The following KCNIP4 variants were observed in gnomAD, a reference collection of about 807,000 sequenced individuals.
KCNIP4 encodes the protein potassium voltage-gated channel interacting protein 4.
A neutral mutation model predicts 34.0 loss-of-function variants in KCNIP4; 12 were observed. The observed-to-expected ratio is 0.35, with a 90% CI of 0.23 to 0.57. KCNIP4 has a LOEUF of 0.57. Ranked by LOEUF, KCNIP4 falls within the 20% of genes least tolerant of loss-of-function variation. The pLI is 0.83. For missense variants in KCNIP4, 238 were observed against 311.7 expected, an observed-to-expected ratio of 0.76 and a Z score of 1.78; for synonymous variants, 124 against 102.2, an observed-to-expected ratio of 1.21 and a Z score of -1.29.
intron 1 of KCNIP4, among the ~76,000 whole-genome samples, chr4:20,900,017 A>G (rs1460434844): frequency 2.0e-5 from 3 of 152,166 alleles, no homozygotes; most frequent in African/African-American, 7.2e-5. Context: ...ACTTTCCCCA[A>G]GGATCTCAGG....
chr4:21,333,366 T>C (rs1427892603), intron 1 of KCNIP4, among the ~76,000 whole-genome samples: 1 of 151,624 alleles, frequency 6.6e-6, no homozygotes, highest in Non-Finnish European at 1.5e-5. Context: ...TGTGATAAAA[T>C]AAAATAACCT....
intron 1 of KCNIP4, among the ~76,000 whole-genome samples, chr4:21,136,881 G>A (rs1301071099): frequency 6.6e-6 from 1 of 151,966 alleles, no homozygotes; most frequent in Non-Finnish European, 1.5e-5. Context: ...TCATTTATTT[G>A]TGACTTCCTC....
intron 1 of KCNIP4, among the ~76,000 whole-genome samples, chr4:21,584,059 G>A (rs1741432879): frequency 6.6e-6 from 1 of 151,926 alleles, no homozygotes; most frequent in African/African-American, 2.4e-5. Context: ...AAGTAAACAA[G>A]GATTTACTGC....
chr4:21,478,803 C>T (rs901785923), intron 1 of KCNIP4, among the ~76,000 whole-genome samples: 4 of 152,152 alleles, frequency 2.6e-5, no homozygotes, highest in Non-Finnish European at 5.9e-5. Flanking sequence ...ATCCCTTATA[C>T]AGTTCTGATG....
chr4:20,891,808 T>C (rs944092254), intron 1 of KCNIP4, among the ~76,000 whole-genome samples: 1 of 152,104 alleles, frequency 6.6e-6, no homozygotes, highest in African/African-American at 2.4e-5. Context: ...CCATTGAAAG[T>C]AATGGCAAAA....
intron 3 of KCNIP4, among the ~76,000 whole-genome samples, chr4:20,771,224 T>C (rs1282603778): frequency 6.6e-6 from 1 of 152,146 alleles, no homozygotes; most frequent in African/African-American, 2.4e-5. Flanking sequence ...TACATGGTTG[T>C]ATAAAGCCTT....
At chr4:21,000,130 G>A (rs923913483) in intron 1 of KCNIP4, among the ~76,000 whole-genome samples, 3 of 152,070 alleles carry the variant, frequency 2.0e-5, no homozygotes, top group South Asian at 2.1e-4. Context: ...ATATACCATC[G>A]ATTCCAGCAG....
At chr4:21,879,132 C>A (rs1003221771) in intron 1 of KCNIP4, among the ~76,000 whole-genome samples, 6 of 151,902 alleles carry the variant, frequency 3.9e-5, no homozygotes, top group African/African-American at 9.7e-5. Context: ...CTTTATATTG[C>A]AAAATGAAAA....
intron 1 of KCNIP4, among the ~76,000 whole-genome samples, chr4:21,642,736 C>A (rs1746703423): frequency 6.6e-6 from 1 of 151,976 alleles, no homozygotes; most frequent in South Asian, 2.1e-4. Context: ...ACTTTGGGCT[C>A]TTCATGCCTC....
intron 1 of KCNIP4, among the ~76,000 whole-genome samples, chr4:21,355,714 T>C (rs1262390622): frequency 1.3e-5 from 2 of 152,152 alleles, no homozygotes; most frequent in Non-Finnish European, 2.9e-5. Context: ...AGCCGAAATC[T>C]ACCAGGGTAC....
intron 1 of KCNIP4, among the ~76,000 whole-genome samples, chr4:21,302,695 C>T (rs1224139980): frequency 2.0e-5 from 3 of 152,138 alleles, no homozygotes; most frequent in Non-Finnish European, 4.4e-5. Context: ...TCCACCATCC[C>T]CCGCCTCCTG....
At position 21,374,529 on chromosome 4, in the gene KCNIP4, T is replaced by C. The variant is rs936902006; in HGVS notation, c.62-491820A>G. 2.0e-5 allele frequency among the ~76,000 whole-genome samples: 3 copies of C among 147,088 alleles called. 1 individual carries two copies. Among genetic ancestry groups the C allele is most frequent in the African/African-American group, 8.2e-5 (3 of 36,802 alleles). ...GGAGCTACAATTCAAGAGATTTGGG[T>C]GGGGACATAGCTAAATCATATCAGT... is the stretch of plus-strand genomic sequence containing the variant. On this transcript the variant is annotated intron_variant, in intron 1 of 8. Transcript: ENST00000382152.
intron 1 of KCNIP4, among the ~76,000 whole-genome samples, chr4:21,491,200 G>T (rs1216665327): frequency 6.6e-6 from 1 of 152,062 alleles, no homozygotes; most frequent in African/African-American, 2.4e-5. Flanking sequence ...CTTGCAGCAG[G>T]TATGGTTTCG....
intron 1 of KCNIP4, among the ~76,000 whole-genome samples, chr4:21,755,334 T>C (rs901052042): frequency 6.6e-6 from 1 of 152,206 alleles, no homozygotes; most frequent in Non-Finnish European, 1.5e-5. Context: ...CTGGCAAAAC[T>C]TTAAGTTAAA....
chr4:21,341,505 TAA>T (rs1716760356), intron 1 of KCNIP4, among the ~76,000 whole-genome samples: 1 of 152,136 alleles, frequency 6.6e-6, no homozygotes, highest in African/African-American at 2.4e-5. Flanking sequence ...AAAAATAATT[TAA>T]GAGAAATGCT....
At chr4:21,205,079 G>T (rs933987000) in intron 1 of KCNIP4, among the ~76,000 whole-genome samples, 22 of 152,186 alleles carry the variant, frequency 1.4e-4, no homozygotes, top group African/African-American at 5.3e-4. Context: ...ACGAAAAGCT[G>T]GTTCATCAAG....
At chr4:21,154,858 A>T (rs1332431934) in intron 1 of KCNIP4, among the ~76,000 whole-genome samples, 1 of 152,184 alleles carries the variant, frequency 6.6e-6, no homozygotes, top group African/African-American at 2.4e-5. Context: ...GAGCTCCAAC[A>T]GCTGTGTTTG....
intron 1 of KCNIP4, among the ~76,000 whole-genome samples, chr4:20,974,468 G>T (rs1192425966): frequency 6.6e-6 from 1 of 152,134 alleles, no homozygotes; most frequent in Non-Finnish European, 1.5e-5. Flanking sequence ...ATAGGAGAAG[G>T]AGTTCTAGGA....
intron 1 of KCNIP4, among the ~76,000 whole-genome samples, chr4:21,211,101 C>A (rs1038523991): frequency 1.3e-5 from 2 of 152,216 alleles, no homozygotes; most frequent in African/African-American, 4.8e-5. Context: ...CATGTGATAT[C>A]TTTTTCTGAT....
Sources: gnomAD v4.1 joint callset for allele counts (sites outside exome capture counted in the v4.1 genomes callset) on GRCh38, gnomAD v4.1.1 for gene constraint, MANE v1.5 for transcripts, NCBI Gene and HGNC (gene_info 2026-07-23, HGNC 2026-07-21) for gene names.